Variants in KIAA0319L observed in about 807,000 individuals in gnomAD.
KIAA0319L encodes the protein dyslexia-associated protein KIAA0319-like protein.
KIAA0319L carries 55 observed loss-of-function variants against 120.1 expected under a neutral mutation model. The ratio of observed to expected loss-of-function variants is 0.46; its 90% CI spans 0.37 to 0.57. The LOEUF (loss-of-function observed/expected upper bound fraction) is 0.57, where lower values mean the gene tolerates loss of function less well. KIAA0319L is among the 20% of genes least tolerant of loss of function. The pLI, the probability that KIAA0319L is intolerant of heterozygous loss-of-function variation, is 0.00. For missense variants in KIAA0319L, 1,049 were observed against 1,255.3 expected (o/e 0.84, Z 2.48); for synonymous variants, 398 against 471.9 (o/e 0.84, Z 2.03).
At chr1:35,522,316 A>ATCACCCAGCCC (rs1473907940) in intron 2 of KIAA0319L, among the ~76,000 whole-genome samples, 8 of 152,072 alleles carry the variant, frequency 5.3e-5, no homozygotes, top group African/African-American at 1.9e-4. Context: ...GTCTCACTCT[A>ATCACCCAGCCC]TCACCCAGGC....
intron 2 of KIAA0319L, chr1:35,509,667 C>G (rs1188814793): frequency 6.5e-6 from 1 of 153,328 alleles, no homozygotes; most frequent in Non-Finnish European, 1.5e-5. Context: ...TTAGCATACA[C>G]AGGGTTCTCT....
At chr1:35,504,931 G>A (rs546825583) in intron 3 of KIAA0319L, among the ~76,000 whole-genome samples, 1 of 152,192 alleles carries the variant, frequency 6.6e-6, no homozygotes, top group East Asian at 1.9e-4. Flanking sequence ...TCTTGAGCTC[G>A]CCATATTCTA....
At chr1:35,517,143 T>C (rs1402439695) in intron 2 of KIAA0319L, among the ~76,000 whole-genome samples, 2 of 152,100 alleles carry the variant, frequency 1.3e-5, no homozygotes, top group African/African-American at 4.8e-5. Flanking sequence ...CCCAAATCAA[T>C]TTACAGACTC....
chr1:35,530,714 T>C (rs1646331648), intron 2 of KIAA0319L, among the ~76,000 whole-genome samples: 1 of 152,228 alleles, frequency 6.6e-6, no homozygotes, highest in Non-Finnish European at 1.5e-5. Flanking sequence ...TCCAATTTTT[T>C]GTATTGGCTT....
chr1:35,522,111 G>T (rs932071143), intron 2 of KIAA0319L, among the ~76,000 whole-genome samples: 1 of 152,180 alleles, frequency 6.6e-6, no homozygotes, highest in East Asian at 1.9e-4. Flanking sequence ...GTTCAGAGCA[G>T]TATGTATAGC....
Position 35,524,707 on chromosome 1 carries a change from A to G in KIAA0319L, c.143-17572T>C, listed in dbSNP as rs556707867. Among the ~76,000 whole-genome samples, 17 of 152,324 alleles carry G rather than the reference A, an allele frequency of 1.1e-4. No individual in the cohort carries two copies. The East Asian group carries it at 3.3e-3, about 29-fold the overall frequency. On this transcript the variant is annotated intron_variant, in intron 2 of 20. Transcript: ENST00000325722. ...TGATCAGAAGCACATCTTTTTAAAA[A>G]ATGTTTTATTGATAAAGTTTGTACA...
intron 2 of KIAA0319L, among the ~76,000 whole-genome samples, chr1:35,518,869 T>C (rs1401376580): frequency 1.3e-5 from 2 of 150,300 alleles, no homozygotes; most frequent in African/African-American, 4.9e-5. Context: ...CCGGGCATGG[T>C]GGTGGGCACC....
At chr1:35,445,247 C>T (rs950848) in intron 16 of KIAA0319L, among the ~76,000 whole-genome samples, 7,395 of 152,194 alleles carry the variant, frequency 0.049, 428 homozygotes, top group East Asian at 0.25. Flanking sequence ...AGTACTGCCA[C>T]AGACTTTCTA....
intron 3 of KIAA0319L, among the ~76,000 whole-genome samples, chr1:35,488,444 T>A (rs564148930): frequency 6.6e-6 from 1 of 152,196 alleles, no homozygotes; most frequent in African/African-American, 2.4e-5. Context: ...AAAAACGAAA[T>A]AGACTACAGA....
intron 1 of KIAA0319L, among the ~76,000 whole-genome samples, chr1:35,555,561 G>A (rs914540980): frequency 1.3e-5 from 2 of 152,210 alleles, no homozygotes; most frequent in African/African-American, 4.8e-5. Context: ...CCTATTTCTA[G>A]TTGTTTTGTA....
intron 2 of KIAA0319L, among the ~76,000 whole-genome samples, chr1:35,526,412 C>T (rs866080507): frequency 3.5e-4 from 46 of 132,150 alleles, no homozygotes; most frequent in Non-Finnish European, 4.5e-4. Context: ...TATATATATA[C>T]ACACATACAT....
intron 16 of KIAA0319L, among the ~76,000 whole-genome samples, chr1:35,447,574 C>CTT (rs113794462): frequency 2.1e-5 from 3 of 141,252 alleles, no homozygotes; most frequent in Non-Finnish European, 1.5e-5. Flanking sequence ...CTTTTTTTTT[C>CTT]TTTTTTTTTT....
chr1:35,442,817 C>A (rs1028501419), intron 18 of KIAA0319L, 89 bp downstream of exon 18: 9 of 1,509,588 alleles, frequency 6.0e-6, no homozygotes, highest in Middle Eastern at 1.9e-4. Context: ...GCCTGCTCAT[C>A]TGCTTCAGAA....
chr1:35,524,775 G>A (rs1646054917), intron 2 of KIAA0319L, among the ~76,000 whole-genome samples: 1 of 152,182 alleles, frequency 6.6e-6, no homozygotes, highest in African/African-American at 2.4e-5. Flanking sequence ...TGCATAGAAT[G>A]TGCAGTGATC....
chr1:35,522,399 C>A (rs145764994), intron 2 of KIAA0319L, among the ~76,000 whole-genome samples: 3,187 of 152,188 alleles, frequency 0.021, 105 homozygotes, highest in African/African-American at 0.072. Context: ...CCTGCCTCAG[C>A]CTCTTGAGTA....
chr1:35,519,088 G>C (rs935606877), intron 2 of KIAA0319L, among the ~76,000 whole-genome samples: 25 of 152,020 alleles, frequency 1.6e-4, no homozygotes, highest in African/African-American at 6.0e-4. Flanking sequence ...GAATTATGTG[G>C]CATATTTGGT....
intron 2 of KIAA0319L, among the ~76,000 whole-genome samples, chr1:35,552,351 A>C (rs1187625714): frequency 1.3e-5 from 2 of 152,164 alleles, no homozygotes; most frequent in Non-Finnish European, 2.9e-5. Flanking sequence ...GTTTCAAAAA[A>C]AAAACCTTTG....
Position 35,455,318 on chromosome 1 carries a change from T to C in KIAA0319L, c.1656+695A>G, listed in dbSNP as rs767123824. Among the ~76,000 whole-genome samples, 110 of 152,214 alleles carry C rather than the reference T, an allele frequency of 7.2e-4. 1 individual carries two copies. Among genetic ancestry groups the C allele is most frequent in the Non-Finnish European group, 3.7e-4 (25 of 68,044 alleles). ...GGACCTGAAGAGTAGATGACTCCTT[T>C]AGTCAGGGCTTAAGTTCAGCACAGC... On this transcript the variant is annotated intron_variant, in intron 10 of 20. Coordinates refer to ENST00000325722, the MANE Select transcript of KIAA0319L (RefSeq NM_024874.5).
intron 3 of KIAA0319L, among the ~76,000 whole-genome samples, chr1:35,491,413 G>T (rs757120747): frequency 6.6e-6 from 1 of 152,058 alleles, no homozygotes. Flanking sequence ...TAATCAAATC[G>T]CTTAAAACAG....
Sources: gnomAD v4.1 joint callset for allele counts (sites outside exome capture counted in the v4.1 genomes callset) on GRCh38, gnomAD v4.1.1 for gene constraint, MANE v1.5 for transcripts, NCBI Gene and HGNC (gene_info 2026-07-23, HGNC 2026-07-21) for gene names.